The following FYN variants were observed in gnomAD, a reference collection of about 807,000 sequenced individuals.
FYN encodes FYN proto-oncogene, Src family tyrosine kinase.
In FYN, 10 loss-of-function variants were observed where a neutral mutation model predicts 70.2. The observed-to-expected ratio is 0.14, with a 90% CI of 0.09 to 0.24. The LOEUF (loss-of-function observed/expected upper bound fraction) is 0.24, where lower values mean the gene tolerates loss of function less well. Among genes scored for constraint, FYN ranks in the 10% least tolerant of loss-of-function variants. The pLI, the probability that FYN is intolerant of heterozygous loss-of-function variation, is 1.00. For synonymous variants in FYN, 236 were observed against 248.6 expected, an observed-to-expected ratio of 0.95 and a Z score of 0.48; for missense variants, 319 against 673.1, an observed-to-expected ratio of 0.47 and a Z score of 5.82.
chr6:111,714,321 T>TG, intron 5 of FYN, 26 bp downstream of exon 5: 1 of 1,511,970 alleles, frequency 6.6e-7, no homozygotes, highest in Non-Finnish European at 9.2e-7. Context: ...AAGGTATACA[T>TG]GCTTCTCCTC....
chr6:111,662,176 A>G (rs1797770873), intron 13 of FYN, among the ~76,000 whole-genome samples: 1 of 152,226 alleles, frequency 6.6e-6, no homozygotes, highest in South Asian at 2.1e-4. Flanking sequence ...AAGTGAAGGA[A>G]GCCAGACACA....
chr6:111,757,559 GATACCT>G (rs2128491767), intron 3 of FYN, among the ~76,000 whole-genome samples: 1 of 152,178 alleles, frequency 6.6e-6, no homozygotes, highest in East Asian at 1.9e-4. Context: ...AAATATGGCT[GATACCT>G]TCTCTTCTAC....
chr6:111,735,655 G>T (rs923741985), intron 3 of FYN, among the ~76,000 whole-genome samples: 3 of 152,138 alleles, frequency 2.0e-5, no homozygotes, highest in Non-Finnish European at 4.4e-5. Context: ...GAGAAGCATG[G>T]GGGGGTGCCA....
At chr6:111,726,885 T>C (rs987827294) in intron 3 of FYN, among the ~76,000 whole-genome samples, 8 of 152,182 alleles carry the variant, frequency 5.3e-5, no homozygotes, top group Non-Finnish European at 1.2e-4. Flanking sequence ...TTTATAAGCA[T>C]CTGGCATTTC....
At chr6:111,794,557 G>A (rs1452100514) in intron 2 of FYN, among the ~76,000 whole-genome samples, 2 of 152,142 alleles carry the variant, frequency 1.3e-5, no homozygotes, top group East Asian at 3.8e-4. Context: ...ATCAGATCTG[G>A]CCTGCTGCCT....
At chr6:111,847,610 C>T (rs1208991491) in intron 1 of FYN, among the ~76,000 whole-genome samples, 10 of 152,056 alleles carry the variant, frequency 6.6e-5, no homozygotes, top group African/African-American at 2.2e-4. Flanking sequence ...TCCTGATCCA[C>T]GATTTAAAAC....
intron 1 of FYN, among the ~76,000 whole-genome samples, chr6:111,867,451 G>A (rs1428972259): frequency 5.9e-5 from 6 of 102,012 alleles, no homozygotes; most frequent in African/African-American, 9.8e-5. Flanking sequence ...GCGAAACTCC[G>A]TCTCGGGAAA....
intron 2 of FYN, among the ~76,000 whole-genome samples, chr6:111,829,758 G>A (rs1451953459): frequency 1.3e-5 from 2 of 152,198 alleles, no homozygotes; most frequent in South Asian, 2.1e-4. Context: ...GTCACTTCCA[G>A]CTCCATTAAG....
chr6:111,756,397 G>A (rs1031567625), intron 3 of FYN, among the ~76,000 whole-genome samples: 1 of 150,464 alleles, frequency 6.6e-6, no homozygotes, highest in Non-Finnish European at 1.5e-5. Flanking sequence ...AGGTTCAGAT[G>A]GTTTTAGAGA....
chr6:111,858,456 T>G (rs977436438), intron 1 of FYN: 1 of 152,170 alleles, frequency 6.6e-6, no homozygotes, highest in African/African-American at 2.4e-5. Flanking sequence ...ACGGAAGTGA[T>G]CCTGTAGCCT....
intron 3 of FYN, among the ~76,000 whole-genome samples, chr6:111,769,390 C>T (rs1295482354): frequency 1.3e-5 from 2 of 152,148 alleles, no homozygotes; most frequent in Non-Finnish European, 2.9e-5. Context: ...AGGAGTCTGT[C>T]GCCATTCTTT....
intron 1 of FYN, among the ~76,000 whole-genome samples, chr6:111,857,323 C>T (rs1773848042): frequency 6.6e-6 from 1 of 152,152 alleles, no homozygotes; most frequent in Non-Finnish European, 1.5e-5. Flanking sequence ...GACCTGAGGC[C>T]CGAAGGCAAC....
intron 2 of FYN, among the ~76,000 whole-genome samples, chr6:111,799,509 C>T (rs960722053): frequency 6.6e-6 from 1 of 152,200 alleles, no homozygotes; most frequent in Non-Finnish European, 1.5e-5. Context: ...CTCTAACCCC[C>T]TGGTGTTCGC....
intron 2 of FYN, among the ~76,000 whole-genome samples, chr6:111,820,810 A>G (rs951817027): frequency 6.6e-6 from 1 of 152,210 alleles, no homozygotes; most frequent in Non-Finnish European, 1.5e-5. Context: ...CCAACATTTA[A>G]GTAGCTGGTA....
At chr6:111,702,841 CTCCAGCA>C (rs748045277) in intron 8 of FYN, 37 bp downstream of exon 8, 2 of 1,599,216 alleles carry the variant, frequency 1.3e-6, no homozygotes, top group Non-Finnish European at 1.7e-6. Context: ...TATCCACTCC[CTCCAGCA>C]TCCAAATGGT....
chr6:111,744,170 T>C (rs1802106206), intron 3 of FYN, among the ~76,000 whole-genome samples: 1 of 152,228 alleles, frequency 6.6e-6, no homozygotes, highest in African/African-American at 2.4e-5. Context: ...TATCCTACTG[T>C]TAAATGTTTG....
chr6:111,835,496 C>T (rs145539156), intron 2 of FYN, among the ~76,000 whole-genome samples: 223 of 152,344 alleles, frequency 1.5e-3, no homozygotes, highest in Non-Finnish European at 2.0e-3. Flanking sequence ...CTTGGCCAGT[C>T]GCCATGAGAA....
At chr6:111,807,126 C>G (rs1289371245) in intron 2 of FYN, among the ~76,000 whole-genome samples, 1 of 152,164 alleles carries the variant, frequency 6.6e-6, no homozygotes, top group African/African-American at 2.4e-5. Context: ...AACAAGGGAT[C>G]TACTGAGGGA....
At chr6:111,688,154 A>G (rs1439795286) in intron 12 of FYN, among the ~76,000 whole-genome samples, 3 of 152,220 alleles carry the variant, frequency 2.0e-5, no homozygotes. Flanking sequence ...AATTCTTACA[A>G]CCACCTTAAA....
Sources: gnomAD v4.1 joint callset for allele counts (sites outside exome capture counted in the v4.1 genomes callset) on GRCh38, gnomAD v4.1.1 for gene constraint, MANE v1.5 for transcripts, NCBI Gene and HGNC (gene_info 2026-07-23, HGNC 2026-07-21) for gene names.